MAP2: variants seen among roughly 807,000 people sequenced by gnomAD.
The protein encoded by MAP2 is microtubule-associated protein 2.
In MAP2, 14 loss-of-function variants were observed where a neutral mutation model predicts 137.6. The observed-to-expected ratio is 0.10, with a 90% confidence interval of 0.07 to 0.16. MAP2 has a LOEUF of 0.16. Ranked by LOEUF, MAP2 falls within the 10% of genes least tolerant of loss-of-function variation. The pLI, the probability that MAP2 is intolerant of heterozygous loss-of-function variation, is 1.00. For synonymous variants in MAP2, 786 were observed against 782.3 expected (o/e 1.00, Z -0.08); for missense variants, 2,088 against 2,191.5 (o/e 0.95, Z 0.94).
At chr2:209,632,986 T>C (rs557807853) in intron 4 of MAP2, among the ~76,000 whole-genome samples, 1 of 152,232 alleles carries the variant, frequency 6.6e-6, no homozygotes, top group East Asian at 1.9e-4. Context: ...ACTTCAAATT[T>C]TCCTACAGTC....
intron 7 of MAP2, among the ~76,000 whole-genome samples, chr2:209,686,347 G>A (rs966858144): frequency 6.6e-6 from 1 of 152,152 alleles, no homozygotes; most frequent in Non-Finnish European, 1.5e-5. Flanking sequence ...TGTTATTTTA[G>A]TATCCTCATG....
intron 1 of MAP2, among the ~76,000 whole-genome samples, chr2:209,494,244 G>A (rs1466728478): frequency 6.6e-6 from 1 of 151,928 alleles, no homozygotes; most frequent in African/African-American, 2.4e-5. Context: ...GAGAACATGG[G>A]CACAGGGCAG....
chr2:209,435,442 A>G (rs28438734), intron 1 of MAP2, among the ~76,000 whole-genome samples: 74 of 151,830 alleles, frequency 4.9e-4, no homozygotes, highest in African/African-American at 1.7e-3. Context: ...CAATAGCAAT[A>G]GCAAAGGCAC....
At chr2:209,454,314 T>A (rs1445224551) in intron 1 of MAP2, among the ~76,000 whole-genome samples, 1 of 152,040 alleles carries the variant, frequency 6.6e-6, no homozygotes, top group Non-Finnish European at 1.5e-5. Flanking sequence ...TGTTAGGAAA[T>A]CATCAATATA....
chr2:209,529,026 A>G (rs1480179935), intron 2 of MAP2, among the ~76,000 whole-genome samples: 1 of 151,992 alleles, frequency 6.6e-6, no homozygotes, highest in Non-Finnish European at 1.5e-5. Flanking sequence ...GGGAAGACCA[A>G]TTCATTATAG....
chr2:209,499,220 G>T (rs1408052139), intron 1 of MAP2, among the ~76,000 whole-genome samples: 1 of 152,076 alleles, frequency 6.6e-6, no homozygotes, highest in African/African-American at 2.4e-5. Flanking sequence ...TCACCATGAA[G>T]CTCAAACTTC....
At chr2:209,437,601 G>A (rs1696662567) in intron 1 of MAP2, among the ~76,000 whole-genome samples, 1 of 151,570 alleles carries the variant, frequency 6.6e-6, no homozygotes, top group Admixed American at 6.6e-5. Context: ...TAGTGAGATT[G>A]TTTGACTCTT....
At chr2:209,608,031 A>G (rs1324911715) in intron 3 of MAP2, among the ~76,000 whole-genome samples, 3 of 152,154 alleles carry the variant, frequency 2.0e-5, no homozygotes, top group Non-Finnish European at 1.5e-5. Context: ...TCCTGTGATC[A>G]TCTTATTTTA....
At chr2:209,696,888 G>A in intron 9 of MAP2, 29 bp from the exon 10 acceptor site, 1 of 1,580,862 alleles carries the variant, frequency 6.3e-7, no homozygotes, top group Non-Finnish European at 8.5e-7. Context: ...TTTCCTGATG[G>A]TATGCTTTTT....
At chr2:209,568,153 A>T (rs1410791681) in intron 2 of MAP2, among the ~76,000 whole-genome samples, 2 of 152,012 alleles carry the variant, frequency 1.3e-5, no homozygotes, top group African/African-American at 4.8e-5. Context: ...CCTTGGTACA[A>T]GGACTAGAGG....
chr2:209,670,417 C>T (rs2048305893), intron 5 of MAP2, among the ~76,000 whole-genome samples: 1 of 151,900 alleles, frequency 6.6e-6, no homozygotes, highest in South Asian at 2.1e-4. Flanking sequence ...CAGCTGGGAA[C>T]TTAAAATTAG....
At chr2:209,618,453 T>G (rs2090183354) in intron 3 of MAP2, among the ~76,000 whole-genome samples, 1 of 152,188 alleles carries the variant, frequency 6.6e-6, no homozygotes, top group South Asian at 2.1e-4. Flanking sequence ...AATAAATCAC[T>G]ATGTGGTATC....
At chr2:209,700,009 G>A (rs1451258435) in intron 10 of MAP2, among the ~76,000 whole-genome samples, 1 of 152,068 alleles carries the variant, frequency 6.6e-6, no homozygotes, top group African/African-American at 2.4e-5. Flanking sequence ...AAGATACATT[G>A]GTAATCAATA....
intron 3 of MAP2, among the ~76,000 whole-genome samples, chr2:209,584,984 A>G (rs982464372): frequency 2.6e-5 from 4 of 152,138 alleles, no homozygotes; most frequent in Non-Finnish European, 4.4e-5. Flanking sequence ...TGCCTAGTAC[A>G]TAGCAGACAG....
At chr2:209,651,699 T>G (rs2094811833) in intron 4 of MAP2, among the ~76,000 whole-genome samples, 1 of 152,194 alleles carries the variant, frequency 6.6e-6, no homozygotes, top group Admixed American at 6.5e-5. Flanking sequence ...AAATATGTTC[T>G]TAGGGAAAAT....
chr2:209,723,928 G>A (rs2072662408), intron 13 of MAP2, among the ~76,000 whole-genome samples: 6 of 152,184 alleles, frequency 3.9e-5, no homozygotes, highest in African/African-American at 1.4e-4. Flanking sequence ...TTGATGGGAT[G>A]CACCATGGTT....
At chr2:209,641,504 G>A (rs1041708020) in intron 4 of MAP2, among the ~76,000 whole-genome samples, 2 of 151,356 alleles carry the variant, frequency 1.3e-5, no homozygotes, top group Non-Finnish European at 2.9e-5. Flanking sequence ...TGGCTCCATA[G>A]TTAGTTACAT....
chr2:209,716,025 T>G (rs1395782574), intron 13 of MAP2, among the ~76,000 whole-genome samples: 1 of 152,164 alleles, frequency 6.6e-6, no homozygotes, highest in Non-Finnish European at 1.5e-5. Context: ...CTGCACTACC[T>G]TAGCGCAGGA....
intron 2 of MAP2, among the ~76,000 whole-genome samples, chr2:209,514,755 C>A (rs2062223033): frequency 6.6e-6 from 1 of 152,052 alleles, no homozygotes; most frequent in African/African-American, 2.4e-5. Flanking sequence ...TCTTGTTCCT[C>A]TATAAATCAA....
Sources: allele counts gnomAD v4.1 joint callset (sites outside exome capture counted in the v4.1 genomes callset), GRCh38; gene constraint gnomAD v4.1.1; transcripts MANE v1.5; gene names NCBI Gene and HGNC (gene_info 2026-07-23, HGNC 2026-07-21).